CYP2B6: variants seen among roughly 807,000 people sequenced by gnomAD.
CYP2B6 encodes cytochrome P450 2B6.
A neutral mutation model predicts 43.4 loss-of-function variants in CYP2B6; 35 were observed. That is an observed-to-expected ratio of 0.81 (90% CI 0.62 to 1.07). The LOEUF is 1.07. Ranked by LOEUF, CYP2B6 falls within the 50% of genes least tolerant of loss-of-function variation. The pLI is 0.00. For missense variants in CYP2B6, 624 were observed against 632.8 expected (o/e 0.99, Z 0.15); for synonymous variants, 239 against 239.2 (o/e 1.00, Z 0.01).
intron 5 of CYP2B6, chr19:41,009,788 AAAC>A: frequency 1.6e-6 from 1 of 628,812 alleles, no homozygotes; most frequent in Non-Finnish European, 2.8e-6. Context: ...AGAGAGATAG[AAAC>A]AGAGTTAGGA....
Position 41,016,536 on chromosome 19 carries a change from T to G in CYP2B6, c.1295-110T>G, listed in dbSNP as rs796553275. On this transcript the variant is annotated intron_variant, in intron 8 of 8. Transcript: ENST00000324071. Reference sequence around the variant, plus strand: ...CCCTGAATTGTAGGTTAAAGGCCAGTCTTATGCAAATCTGTTGCAGTGGAC... The same window carrying G: ...CCCTGAATTGTAGGTTAAAGGCCAGGCTTATGCAAATCTGTTGCAGTGGAC... The G allele has an allele frequency of 2.2e-5, 25 of 1,148,878 alleles. No homozygotes were observed. In the African/African-American group the frequency reaches 2.6e-4, roughly 12 times the overall value. The allele number at this position is 1,148,878 out of a possible 1,614,324, so 71.2% of individuals were successfully genotyped here.
Position 41,009,988 on chromosome 19 carries a change from A to T in CYP2B6, c.823-6A>T. On this transcript the variant is annotated splice_polypyrimidine_tract_variant and splice_region_variant and intron_variant, in intron 5 of 8. Coordinates refer to ENST00000324071, the MANE Select transcript of CYP2B6 (RefSeq NM_000767.5). ...CCCTCCCCTTCCTTCCCTACTGTGG[A>T]CGCAGGAGAAATCCAACGCACACAG... The T allele has an allele frequency of 6.2e-7, 1 of 1,614,060 alleles. No individual in the cohort carries two copies.
chr19:41,014,620 A>T (rs1969333406), intron 8 of CYP2B6, among the ~76,000 whole-genome samples: 1 of 152,172 alleles, frequency 6.6e-6, no homozygotes, highest in Admixed American at 6.5e-5. Flanking sequence ...ATTTGTTTTA[A>T]GAGAGGCAGA....
In CYP2B6 at chr19:41,010,034, T is replaced by C. The variant is rs1969256105; in HGVS notation, c.863T>C (p.Leu288Pro). ...CACAGTGAATTCAGCCACCAGAACC[T>C]CAACCTCAACACGCTCTCGCTCTTC... ...NAHSEFSHQNLNLNTLSLFFA... is the reference protein window; with the variant it reads ...NAHSEFSHQNPNLNTLSLFFA... Residue 288 changes from leucine to proline, a missense_variant, in exon 6 of 9, where the codon CTC becomes CCC. Leu to Pro is a moderately conservative substitution (Grantham distance 98). Transcript: ENST00000324071. The C allele has an allele frequency of 1.2e-6, 2 of 1,613,924 alleles. No individual in the cohort carries two copies. Among genetic ancestry groups the C allele is most frequent in the South Asian group, 2.2e-5 (2 of 91,088 alleles).
chr19:41,002,293 G>A (rs1969103974), intron 1 of CYP2B6, among the ~76,000 whole-genome samples: 1 of 152,130 alleles, frequency 6.6e-6, no homozygotes, highest in Non-Finnish European at 1.5e-5. Flanking sequence ...GCTTTGCAGA[G>A]ATCAATGCAG....
Position 41,012,425 on chromosome 19 carries a change from C to T in CYP2B6, c.1092C>T (p.Pro364=), listed in dbSNP as rs372061187. 1.1e-5 allele frequency: 18 copies of T among 1,613,970 alleles called. No homozygotes were observed. The highest frequency in any genetic ancestry group is 1.5e-5 in the Non-Finnish European group (18 of 1,179,976). The part of the protein sequence containing the change: ...YEIQRFSDLL[P]MGVPHIVTQH... ...TTCAGAGATTTTCCGACCTTCTCCC[C>T]ATGGGTGTGCCCCACATTGTCACCC... Residue 364 remains proline, a synonymous_variant, in exon 7 of 9, where the codon CCC becomes CCT. Transcript: ENST00000324071.
Position 40,991,430 on chromosome 19 carries a change from A to T in CYP2B6, c.125A>T (p.Asn42Ile), listed in dbSNP as rs749817915. The T allele has an allele frequency of 1.9e-5, 30 of 1,613,928 alleles. No individual in the cohort carries two copies. Among genetic ancestry groups the T allele is most frequent in the Non-Finnish European group, 2.5e-5 (30 of 1,180,004 alleles). ...CCCCGCCCTCTGCCCCTTTTGGGAA[A>T]CCTTCTGCAGATGGATAGAAGAGGC... ...PGPRPLPLLG[N>I]LLQMDRRGLL... The change falls in exon 1 of 9, where the codon AAC becomes ATC. Residue 42 changes from asparagine to isoleucine, a missense_variant. Transcript: ENST00000324071.
rs561830421 is a variant in CYP2B6 at position 40,992,201 on chromosome 19, C to CAAAAAAAAAAAAAAAAAAAAAA, written c.171+745_171+746insAAAAAAAAAAAAAAAAAAAAAA. On this transcript the variant is annotated intron_variant, in intron 1 of 8. Transcript: ENST00000324071. ...TGGGTGACAGAGTGAGACTCCTTCT[C>CAAAAAAAAAAAAAAAAAAAAAA]AAAAAAAAAAAAAAAAAAAAGAATA... Among the ~76,000 whole-genome samples, 35 of 62,570 alleles carry CAAAAAAAAAAAAAAAAAAAAAA rather than the reference C, an allele frequency of 5.6e-4. 1 individual carries two copies. Among genetic ancestry groups the CAAAAAAAAAAAAAAAAAAAAAA allele is most frequent in the African/African-American group, 1.6e-3 (30 of 18,380 alleles). 41.0% of individuals were successfully genotyped at this position (62,570 alleles called of 152,430 possible). A position where few individuals can be genotyped will look rare whatever the true frequency, so the allele number is the denominator to read the frequency against.
intron 6 of CYP2B6, among the ~76,000 whole-genome samples, chr19:41,010,516 C>T (rs550421675): frequency 6.6e-6 from 1 of 151,698 alleles, no homozygotes; most frequent in South Asian, 2.1e-4. Context: ...AGGGTTCACG[C>T]CATTCTCCTG....
intron 1 of CYP2B6, among the ~76,000 whole-genome samples, chr19:41,003,364 C>T (rs771518075): frequency 6.6e-5 from 10 of 152,076 alleles, no homozygotes; most frequent in Admixed American, 2.6e-4. Flanking sequence ...AAGGATGATT[C>T]GTGTCCGGGG....
In CYP2B6 at chr19:41,003,360, G is replaced by A. The variant is rs368730915; in HGVS notation, c.172-641G>A. On this transcript the variant is annotated intron_variant, in intron 1 of 8. Coordinates refer to ENST00000324071, the MANE Select transcript of CYP2B6 (RefSeq NM_000767.5). ...AGTGCAGACATGGTGGACAAAGGAT[G>A]ATTCGTGTCCGGGGTGGGACAGAGT... Among the ~76,000 whole-genome samples, 117 of 152,200 alleles carry A rather than the reference G, an allele frequency of 7.7e-4. 4 individuals are homozygous for A. In the South Asian group the frequency reaches 0.02, roughly 25 times the overall value.
chr19:40,993,805 A>T (rs1968959065), intron 1 of CYP2B6, among the ~76,000 whole-genome samples: 1 of 152,142 alleles, frequency 6.6e-6, no homozygotes, highest in South Asian at 2.1e-4. Context: ...TTTTAAATTA[A>T]GTTATCTGCA....
intron 8 of CYP2B6, among the ~76,000 whole-genome samples, chr19:41,015,289 A>C (rs1314683515): frequency 6.6e-6 from 1 of 152,176 alleles, no homozygotes; most frequent in East Asian, 1.9e-4. Flanking sequence ...CTGTTGTGAA[A>C]AATGTTAGGT....
chr19:40,998,598 A>T (rs967498139), intron 1 of CYP2B6, among the ~76,000 whole-genome samples: 1 of 127,372 alleles, frequency 7.9e-6, no homozygotes, highest in South Asian at 2.9e-4. Context: ...AACAGTCCCC[A>T]GAGTGTGATG....
rs761598875 is a variant in CYP2B6 at position 41,004,433 on chromosome 19, T to G, written c.471T>G (p.Leu157=). 3.1e-6 allele frequency: 5 copies of G among 1,613,574 alleles called. No individual in the cohort carries two copies. The East Asian group carries it at 1.1e-4, about 36-fold the overall frequency. The stretch of plus-strand genomic sequence containing the variant: ...AGGCTCAGTGTCTGATAGAGGAGCT[T>G]CGGAAATCCAAGGGTGAGTCCTGGG... ...QEEAQCLIEE[L]RKSKGALMDP... The change falls in exon 3 of 9, where the codon CTT becomes CTG. Residue 157 remains leucine (L), a synonymous_variant. Transcript: ENST00000324071.
chr19:40,991,850 G>T (rs1416402073), intron 1 of CYP2B6, among the ~76,000 whole-genome samples: 1 of 152,030 alleles, frequency 6.6e-6, no homozygotes, highest in African/African-American at 2.4e-5. Context: ...TTTGCAGCCT[G>T]TGTGGACTGA....
intron 8 of CYP2B6, among the ~76,000 whole-genome samples, chr19:41,015,660 G>C (rs554861087): frequency 7.2e-5 from 11 of 152,128 alleles, no homozygotes; most frequent in African/African-American, 2.2e-4. Context: ...TGTCTCATAC[G>C]CATCAGTCCC....
chr19:41,003,828 C>A, intron 1 of CYP2B6, 173 bp from the exon 2 acceptor site: 1 of 834,264 alleles, frequency 1.2e-6, no homozygotes, highest in Non-Finnish European at 2.0e-6. Context: ...CTCCCTTGGA[C>A]AGCGTTAACC....
rs763770351 is a variant in CYP2B6 at position 41,012,665 on chromosome 19, C to T, written c.1153-9C>T. 1.1e-4 allele frequency: 176 copies of T among 1,613,638 alleles called. 4 individuals are homozygous for T. The South Asian group carries it at 1.5e-3, about 14-fold the overall frequency. Reference sequence around the variant, plus strand: ...GGCAATATCTTTTGATCTTGTGATCCTCCCTCAGGACACAGAAGTATTTCT... The same window carrying T: ...GGCAATATCTTTTGATCTTGTGATCTTCCCTCAGGACACAGAAGTATTTCT... On this transcript the variant is annotated splice_polypyrimidine_tract_variant and intron_variant, in intron 7 of 8. Transcript: ENST00000324071.
Sources: gnomAD v4.1 joint callset for allele counts (sites outside exome capture counted in the v4.1 genomes callset) on GRCh38, gnomAD v4.1.1 for gene constraint, MANE v1.5 for transcripts, NCBI Gene and HGNC (gene_info 2026-07-23, HGNC 2026-07-21) for gene names.